The following ASTN2 variants were observed in gnomAD, a reference collection of about 807,000 sequenced individuals.
The protein encoded by ASTN2 is astrotactin-2.
Under a neutral mutation model 139.8 loss-of-function variants are expected in ASTN2, and 54 were observed. That is an observed-to-expected ratio of 0.39 (90% CI 0.31 to 0.48). The LOEUF (loss-of-function observed/expected upper bound fraction) is 0.48. Ranked by LOEUF, ASTN2 falls within the 20% of genes least tolerant of loss-of-function variation. ASTN2 has a pLI of 0.95. For missense variants in ASTN2, 1,565 were observed against 1,725.1 expected (o/e 0.91, Z 1.64); for synonymous variants, 756 against 719.5 (o/e 1.05, Z -0.81).
At chr9:117,244,708 G>C (rs1213376766) in intron 2 of ASTN2, among the ~76,000 whole-genome samples, 1 of 136,290 alleles carries the variant, frequency 7.3e-6, no homozygotes, top group East Asian at 2.5e-4. Context: ...AAGGAGAAAG[G>C]AAGGAGAAAG....
intron 1 of ASTN2, among the ~76,000 whole-genome samples, chr9:117,328,108 C>T (rs553742597): frequency 3.3e-5 from 5 of 152,212 alleles, no homozygotes; most frequent in East Asian, 1.9e-4. Context: ...GTTTCATTCT[C>T]GAGTCCTTGC....
chr9:116,740,451 A>G (rs979952928), intron 13 of ASTN2, among the ~76,000 whole-genome samples: 1 of 152,138 alleles, frequency 6.6e-6, no homozygotes, highest in South Asian at 2.1e-4. Flanking sequence ...CATCTGTAAC[A>G]TGGGGATAAT....
chr9:117,045,963 T>TGTATGTATGTATGTACGTACGTAC (rs1838723672), intron 5 of ASTN2, among the ~76,000 whole-genome samples: 2 of 123,750 alleles, frequency 1.6e-5, no homozygotes, highest in African/African-American at 6.7e-5. Context: ...TTTGTATGTA[T>TGTATGTATGTATGTACGTACGTAC]GTATGTATGT....
At chr9:117,048,622 C>T (rs1247682258) in intron 5 of ASTN2, among the ~76,000 whole-genome samples, 1 of 152,148 alleles carries the variant, frequency 6.6e-6, no homozygotes, top group Non-Finnish European at 1.5e-5. Flanking sequence ...AAGGTCACTA[C>T]AAGGTGTTGA....
intron 10 of ASTN2, among the ~76,000 whole-genome samples, chr9:116,925,679 C>T (rs1450296464): frequency 6.6e-6 from 1 of 151,098 alleles, no homozygotes; most frequent in Non-Finnish European, 1.5e-5. Flanking sequence ...AATAGAAACC[C>T]TGCTACTCCT....
intron 1 of ASTN2, among the ~76,000 whole-genome samples, chr9:117,350,870 T>C (rs533457196): frequency 1.1e-4 from 16 of 152,312 alleles, no homozygotes; most frequent in South Asian, 6.2e-4. Flanking sequence ...CAGCAAGTTA[T>C]GTTCAGTACT....
At chr9:116,955,584 T>A (rs1366205223) in intron 10 of ASTN2, among the ~76,000 whole-genome samples, 1 of 152,234 alleles carries the variant, frequency 6.6e-6, no homozygotes, top group Non-Finnish European at 1.5e-5. Context: ...AGCAGGGCTC[T>A]GGCCCAGAAG....
At chr9:116,973,293 C>T (rs554833681) in intron 10 of ASTN2, among the ~76,000 whole-genome samples, 28 of 152,114 alleles carry the variant, frequency 1.8e-4, no homozygotes, top group Middle Eastern at 3.4e-3. Context: ...AGAAAATGAT[C>T]GATGATATGA....
intron 1 of ASTN2, among the ~76,000 whole-genome samples, chr9:117,301,439 C>G (rs1834872908): frequency 6.6e-6 from 1 of 152,160 alleles, no homozygotes; most frequent in South Asian, 2.1e-4. Context: ...TCGCATTTAG[C>G]CCTCATAGGA....
At chr9:117,068,567 A>C (rs1219372414) in intron 5 of ASTN2, among the ~76,000 whole-genome samples, 1 of 113,466 alleles carries the variant, frequency 8.8e-6, no homozygotes, top group East Asian at 3.5e-4. Flanking sequence ...TGATTGGAAT[A>C]GTTTCAGAAG....
chr9:116,437,209 A>T (rs938448744), intron 22 of ASTN2: 6 of 398,420 alleles, frequency 1.5e-5, no homozygotes, highest in African/African-American at 4.2e-5. Flanking sequence ...ATAATAATAA[A>T]AAATACCACT....
chr9:116,571,710 G>T (rs1353112149), intron 19 of ASTN2, among the ~76,000 whole-genome samples: 2 of 152,184 alleles, frequency 1.3e-5, no homozygotes, highest in Non-Finnish European at 2.9e-5. Context: ...CATCTGTCAT[G>T]TGTTGAGTAC....
At chr9:117,032,714 A>G (rs1197238291) in intron 6 of ASTN2, among the ~76,000 whole-genome samples, 1 of 152,160 alleles carries the variant, frequency 6.6e-6, no homozygotes, top group Non-Finnish European at 1.5e-5. Context: ...TAGGGATGAG[A>G]GCAAATAAAT....
intron 19 of ASTN2, among the ~76,000 whole-genome samples, chr9:116,589,337 A>G (rs1014959886): frequency 4.6e-5 from 7 of 152,248 alleles, no homozygotes; most frequent in African/African-American, 1.7e-4. Flanking sequence ...AATGGAGTAC[A>G]AACATTTACT....
At position 116,489,785 on chromosome 9, in the gene ASTN2, G is replaced by A. The variant is rs116253509; in HGVS notation, c.3356-2285C>T. Among the ~76,000 whole-genome samples the A allele has an allele frequency of 9.8e-3, 1,492 of 152,332 alleles. 30 individuals are homozygous for A. The highest frequency in any genetic ancestry group is 0.034 in the African/African-American group (1,434 of 41,584). ...TTTGCTCCTTTAGTCCAATAGAGCA[G>A]GTCTTGATGGGTACTGTTTCTTGGT... On this transcript the variant is annotated intron_variant, in intron 19 of 22. Coordinates refer to ENST00000313400, the MANE Select transcript of ASTN2 (RefSeq NM_001365068.1).
chr9:117,118,447 C>A (rs1221257573), intron 4 of ASTN2, among the ~76,000 whole-genome samples: 2 of 151,500 alleles, frequency 1.3e-5, no homozygotes. Context: ...TTTCTCATCA[C>A]CTCCACAGCT....
rs1462412486 is a variant in ASTN2 at position 117,253,888 on chromosome 9, C to T, written c.630+37438G>A. Among the ~76,000 whole-genome samples the T allele has an allele frequency of 1.3e-5, 2 of 152,102 alleles. 1 individual carries two copies. Among genetic ancestry groups the T allele is most frequent in the African/African-American group, 4.8e-5 (2 of 41,428 alleles). ...AGCTCCTATGCCTTATTTCTTCCACCCCATTTTGGCCACACACCCAGAGGT... is the reference window on the plus strand; with the variant it reads ...AGCTCCTATGCCTTATTTCTTCCACTCCATTTTGGCCACACACCCAGAGGT... On this transcript the variant is annotated intron_variant, in intron 2 of 22. Transcript: ENST00000313400.
At position 116,948,698 on chromosome 9, in the gene ASTN2, AGTGTGTGTGT is replaced by A. The variant is rs112233837; in HGVS notation, c.1889+26500_1889+26509del. 9.6e-5 allele frequency among the ~76,000 whole-genome samples: 13 copies of A among 135,346 alleles called. No individual in the cohort carries two copies. In the East Asian group the frequency reaches 1.3e-3, roughly 13 times the overall value. 88.8% of individuals were successfully genotyped at this position (135,346 alleles called of 152,430 possible). On this transcript the variant is annotated intron_variant, in intron 10 of 22. Coordinates refer to ENST00000313400, the MANE Select transcript of ASTN2 (RefSeq NM_001365068.1). ...AGATAGAGTTTGACTTATATGTGTG[AGTGTGTGTGT>A]GTGTGTGTGTGTGTGTGTGTGTAAG...
chr9:117,225,126 T>C (rs1832659726), intron 2 of ASTN2, among the ~76,000 whole-genome samples: 2 of 152,138 alleles, frequency 1.3e-5, no homozygotes, highest in South Asian at 4.1e-4. Flanking sequence ...CACAGAGTAG[T>C]AGATCTTCAA....
Sources: gnomAD v4.1 joint callset for allele counts (sites outside exome capture counted in the v4.1 genomes callset) on GRCh38, gnomAD v4.1.1 for gene constraint, MANE v1.5 for transcripts, NCBI Gene and HGNC (gene_info 2026-07-23, HGNC 2026-07-21) for gene names.